The following CASP9 variants were observed in gnomAD, a reference collection of about 807,000 sequenced individuals.
The protein encoded by CASP9 is caspase-9.
In CASP9, 29 loss-of-function variants were observed where a neutral mutation model predicts 43.5. That is an observed-to-expected ratio of 0.67 (90% CI 0.50 to 0.91). The LOEUF is 0.91. Ranked by LOEUF, CASP9 falls within the 40% of genes least tolerant of loss-of-function variation. The pLI is 0.00. For missense variants in CASP9, 575 were observed against 537.4 expected, an observed-to-expected ratio of 1.07 and a Z score of -0.69; for synonymous variants, 206 against 211.9, an observed-to-expected ratio of 0.97 and a Z score of 0.24.
At chr1:15,509,460 C>CA (rs563284288) in intron 2 of CASP9, among the ~76,000 whole-genome samples, 163 of 105,648 alleles carry the variant, frequency 1.5e-3, no homozygotes, top group South Asian at 5.8e-3. Context: ...ACTAAAAATA[C>CA]AAAAAAAAAA....
chr1:15,508,940 A>G (rs1024601624), intron 2 of CASP9, among the ~76,000 whole-genome samples: 6 of 152,238 alleles, frequency 3.9e-5, no homozygotes, highest in South Asian at 4.1e-4. Context: ...ACCCATCTGC[A>G]TAACACAAGA....
chr1:15,501,391 T>G (rs1177746640), intron 6 of CASP9, among the ~76,000 whole-genome samples: 1 of 151,794 alleles, frequency 6.6e-6, no homozygotes, highest in Non-Finnish European at 1.5e-5. Context: ...TTTTAAATTA[T>G]TTATTATTAT....
intron 6 of CASP9, among the ~76,000 whole-genome samples, chr1:15,503,318 G>A (rs4646063): frequency 0.21 from 31,947 of 152,048 alleles, 3,584 homozygotes; most frequent in Middle Eastern, 0.24. Context: ...CTGAGCTTGG[G>A]AGTGGGTTCT....
chr1:15,505,994 C>T lies in CASP9; in HGVS notation c.716G>A (p.Cys239Tyr). The change falls in exon 5 of 9, where the codon TGT becomes TAT. Residue 239 changes from cysteine to tyrosine, a missense_variant. Physicochemically the swap from Cys to Tyr is radical, Grantham distance 194. Transcript: ENST00000333868. ...CCVVVILSHGCQASHLQFPGA... is the reference protein window; with the variant it reads ...CCVVVILSHGYQASHLQFPGA... ...GAACAGTGGGAGGCTTCCTACCTGA[C>T]AGCCGTGAGAGAGAATGACCACCAC... 3 of 1,613,660 alleles carry T rather than the reference C, an allele frequency of 1.9e-6. No individual in the cohort carries two copies. The highest frequency in any genetic ancestry group is 2.2e-5 in the East Asian group (1 of 44,880).
At chr1:15,508,191 C>G (rs1487105589) in intron 2 of CASP9, among the ~76,000 whole-genome samples, 1 of 152,214 alleles carries the variant, frequency 6.6e-6, no homozygotes, top group Non-Finnish European at 1.5e-5. Context: ...CCTTATTCAT[C>G]ACGCCCCAAC....
intron 1 of CASP9, among the ~76,000 whole-genome samples, 169 bp downstream of exon 1, chr1:15,523,896 CTGAG>C (rs1169669252): frequency 1.2e-5 from 1 of 81,260 alleles, no homozygotes; most frequent in Non-Finnish European, 2.5e-5. Context: ...TGTACGCTGA[CTGAG>C]TATGGCATGG....
chr1:15,512,381 G>A (rs542936663), intron 2 of CASP9, among the ~76,000 whole-genome samples: 2 of 152,306 alleles, frequency 1.3e-5, no homozygotes, highest in Admixed American at 6.5e-5. Flanking sequence ...TCCCCAGGAT[G>A]GTGGGCCGCG....
At chr1:15,505,082 T>C (rs1305733159) in intron 5 of CASP9, among the ~76,000 whole-genome samples, 1 of 152,124 alleles carries the variant, frequency 6.6e-6, no homozygotes, top group Non-Finnish European at 1.5e-5. Flanking sequence ...TTGTAAGAAA[T>C]GTGATTCCTG....
rs1356475327 is a variant in CASP9 at position 15,494,009 on chromosome 1, G to A, written c.1049-8C>T. The A allele has an allele frequency of 1.9e-6, 3 of 1,573,550 alleles. No homozygotes were observed. Among genetic ancestry groups the A allele is most frequent in the Admixed American group, 1.8e-5 (1 of 55,696 alleles). On this transcript the variant is annotated splice_polypyrimidine_tract_variant and splice_region_variant and intron_variant, in intron 7 of 8. Coordinates refer to ENST00000333868, the MANE Select transcript of CASP9 (RefSeq NM_001229.5). ...CCCTCCAGGAAACAAAACCTTTGGA[G>A]GGAGGAGGGCTGAACACTGCTGGAG...
At chr1:15,514,019 T>G (rs151099756) in intron 2 of CASP9, among the ~76,000 whole-genome samples, 335 of 152,342 alleles carry the variant, frequency 2.2e-3, no homozygotes, top group Non-Finnish European at 3.9e-3. Flanking sequence ...AAAACTGATG[T>G]GTCCACATTA....
intron 5 of CASP9, among the ~76,000 whole-genome samples, chr1:15,505,786 C>T (rs1800615): frequency 0.31 from 46,501 of 152,130 alleles, 7,524 homozygotes; most frequent in East Asian, 0.58. Flanking sequence ...CTCCCAGGAA[C>T]ACCGACCTGC....
intron 6 of CASP9, among the ~76,000 whole-genome samples, chr1:15,501,387 ATTAT>A (rs1709322699): frequency 6.6e-6 from 1 of 151,766 alleles, no homozygotes; most frequent in African/African-American, 2.4e-5. Flanking sequence ...TGATTTTTAA[ATTAT>A]TTATTATTAT....
chr1:15,519,982 CT>C (rs4646001), intron 1 of CASP9: 46,933 of 151,998 alleles, frequency 0.31, 7,641 homozygotes, highest in East Asian at 0.58. Context: ...GCACTTCAGC[CT>C]GGGTGACAGA....
intron 1 of CASP9, among the ~76,000 whole-genome samples, chr1:15,522,798 C>A (rs1383520392): frequency 6.6e-6 from 1 of 152,180 alleles, no homozygotes; most frequent in East Asian, 1.9e-4. Flanking sequence ...CAAAGGCTAT[C>A]CACTATGACG....
At chr1:15,519,059 G>A (rs575684226) in intron 1 of CASP9, among the ~76,000 whole-genome samples, 3 of 149,738 alleles carry the variant, frequency 2.0e-5, no homozygotes, top group Admixed American at 2.0e-4. Context: ...TTTATTTTTA[G>A]TAGAAACAGG....
In CASP9 at chr1:15,504,681, G is replaced by A; in HGVS notation, c.798C>T (p.Ile266=). 1 of 1,614,218 alleles carries A rather than the reference G, an allele frequency of 6.2e-7. No individual in the cohort carries two copies. The highest frequency in any genetic ancestry group is 8.5e-7 in the Non-Finnish European group (1 of 1,180,028). Residue 266 remains isoleucine, a synonymous_variant, in exon 6 of 9, where the codon ATC becomes ATT. Coordinates refer to ENST00000333868, the MANE Select transcript of CASP9 (RefSeq NM_001229.5). ...CPVSVEKIVN[I]FNGTSCPSLG... is the part of the protein sequence containing the mutation. ...GGCTGGGGCAGCTGGTCCCATTGAA[G>A]ATGTTCACAATCTTCTCGACCGACA... is the stretch of plus-strand genomic sequence containing the variant.
In CASP9 at chr1:15,518,322, G is replaced by T; in HGVS notation, c.206C>A (p.Ala69Asp). The change falls in exon 2 of 9, where the codon GCT becomes GAT. Residue 69 changes from alanine to aspartate, a missense_variant. Transcript: ENST00000333868. ...IIDLETRGSQ[A>D]LPLFISCLED... Reference sequence around the variant, plus strand: ...TAAGCAGGAGATGAACAAAGGAAGAGCCTGACTCCCTCGAGTCTCCAGATC... The same window carrying T: ...TAAGCAGGAGATGAACAAAGGAAGATCCTGACTCCCTCGAGTCTCCAGATC... 6.2e-7 allele frequency: 1 copy of T among 1,614,132 alleles called. No individual in the cohort carries two copies. The highest frequency in any genetic ancestry group is 8.5e-7 in the Non-Finnish European group (1 of 1,180,038).
At position 15,491,420 on chromosome 1, in the gene CASP9, A is replaced by G; in HGVS notation, c.*1523T>C. 1.4e-6 allele frequency: 2 copies of G among 1,421,064 alleles called. No individual in the cohort carries two copies. The highest frequency in any genetic ancestry group is 4.7e-5 in the East Asian group (2 of 42,530). 88.0% of individuals were successfully genotyped at this position (1,421,064 alleles called of 1,614,324 possible). ...ATCACATCTTGATGAGGGTTTTATT[A>G]TTATTATTAATTCAGAAATCCATCC... On this transcript the variant is annotated 3_prime_UTR_variant, in exon 9 of 9. Transcript: ENST00000333868.
chr1:15,494,127 G>C, intron 7 of CASP9, 126 bp from the exon 8 acceptor site: 1 of 1,122,206 alleles, frequency 8.9e-7, no homozygotes, highest in Non-Finnish European at 1.3e-6. Context: ...CATCCAACAG[G>C]AGCAGCCTGG....
Sources: gnomAD v4.1 joint callset for allele counts (sites outside exome capture counted in the v4.1 genomes callset) on GRCh38, gnomAD v4.1.1 for gene constraint, MANE v1.5 for transcripts, NCBI Gene and HGNC (gene_info 2026-07-23, HGNC 2026-07-21) for gene names.